The following SPAG16 variants were observed in gnomAD, a reference collection of about 807,000 sequenced individuals.
SPAG16 encodes sperm-associated antigen 16 protein.
SPAG16 carries 86 observed loss-of-function variants against 80.4 expected under a neutral mutation model. The observed-to-expected ratio is 1.07, with a 90% confidence interval of 0.90 to 1.28. The LOEUF (loss-of-function observed/expected upper bound fraction) is 1.28, where lower values mean the gene tolerates loss of function less well. SPAG16 is among the 50% of genes most tolerant of loss of function. SPAG16 has a pLI of 0.00. For synonymous variants in SPAG16, 294 were observed against 265.9 expected (o/e 1.11, Z -1.03); for missense variants, 870 against 765.3 (o/e 1.14, Z -1.61).
At chr2:213,408,364 C>T (rs1009188326) in intron 9 of SPAG16, among the ~76,000 whole-genome samples, 1 of 152,184 alleles carries the variant, frequency 6.6e-6, no homozygotes, top group Admixed American at 6.5e-5. Flanking sequence ...GCAGCAACTG[C>T]TTTGCTAACA....
intron 12 of SPAG16, among the ~76,000 whole-genome samples, chr2:213,997,859 T>C (rs2046602970): frequency 1.3e-5 from 2 of 152,166 alleles, no homozygotes; most frequent in African/African-American, 4.8e-5. Context: ...GACAAGCTTG[T>C]TTTGTAACAA....
chr2:214,331,760 C>T (rs1331817455), intron 15 of SPAG16, among the ~76,000 whole-genome samples: 3 of 152,186 alleles, frequency 2.0e-5, no homozygotes, highest in South Asian at 2.1e-4. Context: ...TCTACATCTG[C>T]TTTTCTGTGA....
intron 10 of SPAG16, among the ~76,000 whole-genome samples, chr2:213,759,765 A>T (rs926329684): frequency 3.9e-5 from 6 of 152,328 alleles, no homozygotes; most frequent in African/African-American, 1.4e-4. Context: ...GGCTGGGCGC[A>T]GTGGCTCACA....
intron 9 of SPAG16, among the ~76,000 whole-genome samples, chr2:213,377,842 TAGTC>T (rs1462356977): frequency 1.3e-5 from 2 of 151,606 alleles, no homozygotes; most frequent in Non-Finnish European, 2.9e-5. Context: ...AGCACTGTAT[TAGTC>T]AGAGCTCTCC....
chr2:214,159,706 G>T (rs1305839595), intron 15 of SPAG16, among the ~76,000 whole-genome samples: 2 of 151,834 alleles, frequency 1.3e-5, no homozygotes, highest in East Asian at 3.9e-4. Flanking sequence ...AATAAAAATT[G>T]TTTAAAGTCA....
chr2:213,567,061 T>C (rs1305124137), intron 10 of SPAG16, among the ~76,000 whole-genome samples: 5 of 152,096 alleles, frequency 3.3e-5, no homozygotes, highest in Non-Finnish European at 7.4e-5. Context: ...GCCAGTGCTG[T>C]TTAAATCTTC....
intron 15 of SPAG16, among the ~76,000 whole-genome samples, chr2:214,193,038 A>C (rs1298348416): frequency 6.6e-6 from 1 of 152,086 alleles, no homozygotes; most frequent in Non-Finnish European, 1.5e-5. Context: ...GACCTCTGCT[A>C]CATGATCAGT....
chr2:213,849,587 C>T (rs1392592840), intron 10 of SPAG16, among the ~76,000 whole-genome samples: 1 of 152,030 alleles, frequency 6.6e-6, no homozygotes, highest in African/African-American at 2.4e-5. Flanking sequence ...AAATTGGAGC[C>T]ACATTGAAGT....
intron 11 of SPAG16, among the ~76,000 whole-genome samples, chr2:213,868,934 T>C (rs2075818014): frequency 6.6e-6 from 1 of 151,988 alleles, no homozygotes; most frequent in Non-Finnish European, 1.5e-5. Flanking sequence ...CCTTGACGAG[T>C]ACATTATTTA....
chr2:213,692,512 T>G (rs1188614804), intron 10 of SPAG16, among the ~76,000 whole-genome samples: 1 of 152,154 alleles, frequency 6.6e-6, no homozygotes, highest in African/African-American at 2.4e-5. Context: ...TACTGTTTCC[T>G]TAAAAATGTT....
chr2:214,055,026 G>A (rs2049864069), intron 13 of SPAG16, among the ~76,000 whole-genome samples: 1 of 152,138 alleles, frequency 6.6e-6, no homozygotes, highest in Admixed American at 6.6e-5. Context: ...CACAGCAGGA[G>A]TGACACAGCA....
intron 12 of SPAG16, among the ~76,000 whole-genome samples, chr2:213,935,349 T>C (rs535558607): frequency 6.6e-6 from 1 of 152,332 alleles, no homozygotes; most frequent in East Asian, 1.9e-4. Context: ...TGACATATTA[T>C]TAAGGCAACC....
chr2:213,853,428 G>A (rs2075006471), intron 10 of SPAG16, among the ~76,000 whole-genome samples: 1 of 152,116 alleles, frequency 6.6e-6, no homozygotes, highest in African/African-American at 2.4e-5. Context: ...TCTATTATAA[G>A]AAATGTGTCC....
intron 10 of SPAG16, among the ~76,000 whole-genome samples, chr2:213,816,696 A>T (rs767899342): frequency 5.3e-5 from 8 of 152,094 alleles, no homozygotes; most frequent in Non-Finnish European, 2.9e-5. Flanking sequence ...TATGCACATG[A>T]TTCCTAAGGC....
chr2:214,152,576 C>T (rs1016342834), intron 15 of SPAG16, among the ~76,000 whole-genome samples: 5 of 152,092 alleles, frequency 3.3e-5, no homozygotes, highest in East Asian at 1.9e-4. Context: ...CTGTGTGCGG[C>T]GACGAGAGAG....
intron 15 of SPAG16, among the ~76,000 whole-genome samples, chr2:214,388,160 G>A (rs1700866910): frequency 6.6e-6 from 1 of 151,440 alleles, no homozygotes; most frequent in South Asian, 2.1e-4. Context: ...CTACTGACCT[G>A]GAAAAATATT....
intron 9 of SPAG16, among the ~76,000 whole-genome samples, chr2:213,420,403 G>A (rs1020986040): frequency 1.3e-5 from 2 of 152,154 alleles, no homozygotes; most frequent in Non-Finnish European, 2.9e-5. Flanking sequence ...ATGACAAAAA[G>A]AGAACAGAAG....
chr2:213,928,557 A>T (rs1232010798), intron 11 of SPAG16, among the ~76,000 whole-genome samples: 6 of 152,224 alleles, frequency 3.9e-5, no homozygotes, highest in African/African-American at 1.4e-4. Flanking sequence ...TGAGCAAGAA[A>T]ACAAAATATT....
At chr2:214,015,442 T>G (rs2047540662) in intron 13 of SPAG16, among the ~76,000 whole-genome samples, 1 of 151,748 alleles carries the variant, frequency 6.6e-6, no homozygotes, top group South Asian at 2.1e-4. Flanking sequence ...CTACTGAAAA[T>G]ACAAAATTGG....
Sources: gnomAD v4.1 joint callset for allele counts (sites outside exome capture counted in the v4.1 genomes callset) on GRCh38, gnomAD v4.1.1 for gene constraint, MANE v1.5 for transcripts, NCBI Gene and HGNC (gene_info 2026-07-23, HGNC 2026-07-21) for gene names.